Variants in CFAP47 observed in about 807,000 individuals in gnomAD.
The protein encoded by CFAP47 is cilia and flagella associated protein 47.
A neutral mutation model predicts 148.1 loss-of-function variants in CFAP47; 29 were observed. That is an observed-to-expected ratio of 0.20 (90% CI 0.15 to 0.27). The LOEUF is 0.27. Ranked by LOEUF, CFAP47 falls within the 10% of genes least tolerant of loss-of-function variation. The pLI is 1.00. For synonymous variants in CFAP47, 664 were observed against 577.3 expected (o/e 1.15, Z -2.15); for missense variants, 1,872 against 1,697.5 (o/e 1.10, Z -1.81).
Position 35,926,063 on chromosome X carries a change from T to G in CFAP47, c.296T>G (p.Leu99Arg). ...CTGGATAAAGAACTTGCTTCTGGCC[T>G]TCAGATGACAGCTATGGTGGAATAT... is the stretch of plus-strand genomic sequence containing the variant. Reference protein sequence around the residue: ...TSLDKELASGLQMTAMVEYHP... With the variant: ...TSLDKELASGRQMTAMVEYHP... Residue 99 changes from leucine (L) to arginine (R), a missense_variant, in exon 2 of 64, where the codon CTT (leucine) becomes CGT (arginine). Transcript: ENST00000378653. The G allele has an allele frequency of 8.3e-7, 1 of 1,206,236 alleles. No individual in the cohort carries two copies. Among genetic ancestry groups the G allele is most frequent in the Non-Finnish European group, 1.1e-6 (1 of 890,757 alleles).
At chrX:35,953,250 T>C (rs1228905878) in intron 6 of CFAP47, among the ~76,000 whole-genome samples, 2 of 112,339 alleles carry the variant, frequency 1.8e-5, no homozygotes, top group African/African-American at 6.5e-5. Context: ...TTGTAAAGAA[T>C]TAATCAGAGT....
At chrX:36,014,714 T>G in intron 21 of CFAP47, 60 bp from the exon 22 acceptor site, 1 of 285,286 alleles carries the variant, frequency 3.5e-6, no homozygotes, top group Non-Finnish European at 6.2e-6. Flanking sequence ...GCTAAATAAA[T>G]AGTATCCCAT....
chrX:36,326,485 T>C (rs994707267), intron 57 of CFAP47, among the ~76,000 whole-genome samples: 62 of 112,049 alleles, frequency 5.5e-4, no homozygotes, highest in Middle Eastern at 9.3e-3. Flanking sequence ...AGAAACTTGT[T>C]GAATGGCTTT....
rs775023133 is a variant in CFAP47, at chrX:35,967,714, G to T, written c.1696G>T (p.Ala566Ser). Reference protein sequence around the residue: ...NYAPVAMLQSAMTRTHNHRSC... With the variant: ...NYAPVAMLQSSMTRTHNHRSC... ...TGCACCTGTAGCAATGCTTCAATCAGCCATGACACGCACTCACAATCATCG... is the reference window on the plus strand; with the variant it reads ...TGCACCTGTAGCAATGCTTCAATCATCCATGACACGCACTCACAATCATCG... The change falls in exon 10 of 64, where the codon GCC (alanine) becomes TCC (serine). Residue 566 changes from alanine (A) to serine (S), a missense_variant. Coordinates refer to ENST00000378653, the MANE Select transcript of CFAP47 (RefSeq NM_001304548.2). 1.8e-5 allele frequency: 22 copies of T among 1,206,706 alleles called. No homozygotes were observed. The South Asian group carries it at 3.9e-4, about 21-fold the overall frequency.
intron 45 of CFAP47, among the ~76,000 whole-genome samples, 186 bp from the exon 46 acceptor site, chrX:36,228,442 A>G (rs928832140): frequency 1.8e-5 from 2 of 111,013 alleles, no homozygotes; most frequent in African/African-American, 6.6e-5. Context: ...TGCAGTATAT[A>G]TACTCTAATT....
At chrX:36,367,781 C>T (rs935363316) in intron 62 of CFAP47, 1 of 111,618 alleles carries the variant, frequency 9.0e-6, no homozygotes, top group Admixed American at 9.6e-5. Flanking sequence ...CAGTCTCAGT[C>T]AACCACTGAT....
rs777555289 is a variant in CFAP47, at chrX:36,046,011, G to C, written c.4008-843G>C. Among the ~76,000 whole-genome samples the C allele has an allele frequency of 9.7e-3, 1,084 of 111,196 alleles. 6 individuals are homozygous for C. Among genetic ancestry groups the C allele is most frequent in the Non-Finnish European group, 0.014 (741 of 52,884 alleles). On this transcript the variant is annotated intron_variant, in intron 25 of 63. Transcript: ENST00000378653. ...TAATAACTGAATTATTTTCAAACTG[G>C]ATTTATAAATTACTTTCCATGTTTT...
At chrX:35,999,261 T>C (rs1408600944) in intron 19 of CFAP47, among the ~76,000 whole-genome samples, 2 of 112,445 alleles carry the variant, frequency 1.8e-5, no homozygotes, top group African/African-American at 6.4e-5. Flanking sequence ...ATAGCCAGTC[T>C]ACTTTCATAC....
chrX:36,103,799 T>C (rs1938422043), intron 32 of CFAP47, among the ~76,000 whole-genome samples: 1 of 111,603 alleles, frequency 9.0e-6, no homozygotes, highest in African/African-American at 3.3e-5. Context: ...GATCACAAGC[T>C]GTTCATCTCA....
chrX:36,029,672 G>T (rs1173719832), intron 22 of CFAP47, among the ~76,000 whole-genome samples: 1 of 109,171 alleles, frequency 9.2e-6, no homozygotes, highest in Non-Finnish European at 1.9e-5. Flanking sequence ...TTCAATCATC[G>T]TTTTCTATAT....
intron 21 of CFAP47, among the ~76,000 whole-genome samples, chrX:36,011,392 C>T (rs1231999280): frequency 1.8e-5 from 2 of 111,883 alleles, no homozygotes; most frequent in African/African-American, 6.5e-5. Context: ...ATGTCCTACT[C>T]TGAGTGTCCT....
intron 60 of CFAP47, among the ~76,000 whole-genome samples, chrX:36,360,666 G>A (rs1941821281): frequency 8.9e-6 from 1 of 111,960 alleles, no homozygotes; most frequent in South Asian, 3.7e-4. Context: ...TAACTGGAGA[G>A]TAAGTTTAAT....
At chrX:36,144,668 G>C (rs1939201592) in intron 35 of CFAP47, 1 of 1,027,739 alleles carries the variant, frequency 9.7e-7, no homozygotes. Flanking sequence ...CTGTGGCAGT[G>C]GCCAGAACAA....
At chrX:36,326,432 GGGCTTAGAAGACAA>G (rs1556013044) in intron 57 of CFAP47, among the ~76,000 whole-genome samples, 1 of 111,592 alleles carries the variant, frequency 9.0e-6, no homozygotes, top group Non-Finnish European at 1.9e-5. Context: ...ACAGTTTGGA[GGGCTTAGAAGACAA>G]GAAGATGTGG....
chrX:36,008,700 G>A (rs1279652740), intron 21 of CFAP47, among the ~76,000 whole-genome samples: 1 of 109,270 alleles, frequency 9.2e-6, no homozygotes, highest in African/African-American at 3.3e-5. Context: ...AACCCAGGAG[G>A]AGGAGGCTGC....
rs917639399 is a variant in CFAP47, at chrX:36,124,924, A to G, written c.5321-13034A>G. On this transcript the variant is annotated intron_variant, in intron 33 of 63. Coordinates refer to ENST00000378653, the MANE Select transcript of CFAP47 (RefSeq NM_001304548.2). ...ACAATTGAATTGAACACAATAGGGA[A>G]CTCAGAACAATGAATGTATATAATA... 4.5e-5 allele frequency among the ~76,000 whole-genome samples: 5 copies of G among 111,216 alleles called. No homozygotes were observed. The Admixed American group carries it at 4.8e-4, about 11-fold the overall frequency.
At chrX:35,941,054 C>T in intron 2 of CFAP47, among the ~76,000 whole-genome samples, 1 of 111,811 alleles carries the variant, frequency 8.9e-6, no homozygotes, top group African/African-American at 3.2e-5. Flanking sequence ...ATACCATGCA[C>T]TTAGATGCAT....
intron 30 of CFAP47, among the ~76,000 whole-genome samples, chrX:36,094,622 T>A (rs909023483): frequency 1.8e-5 from 2 of 111,242 alleles, no homozygotes; most frequent in African/African-American, 6.5e-5. Context: ...TACTTAATTT[T>A]ATTTGTGGCT....
At chrX:36,189,420 T>G (rs1320798763) in intron 41 of CFAP47, among the ~76,000 whole-genome samples, 1 of 110,898 alleles carries the variant, frequency 9.0e-6, no homozygotes, top group Non-Finnish European at 1.9e-5. Flanking sequence ...CTCGTTAAGT[T>G]CTAAAGTGAG....
Sources: allele counts gnomAD v4.1 joint callset (sites outside exome capture counted in the v4.1 genomes callset), GRCh38; gene constraint gnomAD v4.1.1; transcripts MANE v1.5; gene names NCBI Gene and HGNC (gene_info 2026-07-23, HGNC 2026-07-21).